Variants in MLXIPL observed in about 807,000 individuals in gnomAD.
The protein encoded by MLXIPL is carbohydrate-responsive element-binding protein.
A neutral mutation model predicts 81.5 loss-of-function variants in MLXIPL; 49 were observed. The ratio of observed to expected loss-of-function variants is 0.60; its 90% CI spans 0.48 to 0.76. The LOEUF is 0.76. Ranked by LOEUF, MLXIPL falls within the 30% of genes least tolerant of loss-of-function variation. The pLI is 0.00. For missense variants in MLXIPL, 1,053 were observed against 1,167.0 expected, an observed-to-expected ratio of 0.90 and a Z score of 1.42; for synonymous variants, 466 against 485.5, an observed-to-expected ratio of 0.96 and a Z score of 0.53.
chr7:73,635,182 A>G, the MLXIPL span, among the ~76,000 whole-genome samples: 1 of 152,136 alleles, frequency 6.6e-6, no homozygotes, highest in African/African-American at 2.4e-5. Context: ...ACATTTCTAA[A>G]TTATACAAAT....
chr7:73,594,174 G>T, intron 16 of MLXIPL, 100 bp downstream of exon 16: 1 of 1,569,982 alleles, frequency 6.4e-7, no homozygotes, highest in South Asian at 1.1e-5. Context: ...ACCCTAGGCT[G>T]TGTTGATGGC....
chr7:73,604,803 C>T (rs1195402016), intron 7 of MLXIPL, among the ~76,000 whole-genome samples: 1 of 151,954 alleles, frequency 6.6e-6, no homozygotes, highest in Non-Finnish European at 1.5e-5. Flanking sequence ...CTTGCTCTGT[C>T]ACCCAGGCTG....
chr7:73,614,964 C>T (rs1308470855), intron 2 of MLXIPL, among the ~76,000 whole-genome samples: 1 of 152,134 alleles, frequency 6.6e-6, no homozygotes, highest in South Asian at 2.1e-4. Context: ...GCACCCGCCA[C>T]CACGCCCAGC....
chr7:73,624,151 C>A (rs371316943), intron 1 of MLXIPL, 49 bp downstream of exon 1: 29 of 1,477,170 alleles, frequency 2.0e-5, no homozygotes, highest in Non-Finnish European at 1.8e-5. Context: ...GACCCCCCCC[C>A]CATCCCCACC....
intron 16 of MLXIPL, 26 bp from the exon 17 acceptor site, chr7:73,594,009 A>G (rs1554592773): frequency 6.3e-7 from 1 of 1,589,384 alleles, no homozygotes; most frequent in Non-Finnish European, 8.6e-7. Context: ...AGAGAGAGAG[A>G]CAGACACTTC....
At chr7:73,599,387 G>T in intron 8 of MLXIPL, 139 bp downstream of exon 8, 1 of 1,101,930 alleles carries the variant, frequency 9.1e-7, no homozygotes. Flanking sequence ...AGAGGGCAGA[G>T]ATGGGGTCTT....
chr7:73,624,614 C>T (rs1294695480), upstream of MLXIPL: 1 of 1,382,280 alleles, frequency 7.2e-7, no homozygotes, highest in Non-Finnish European at 9.3e-7. Flanking sequence ...GTGGGCGGGG[C>T]CTGGGACGGG....
the MLXIPL span, among the ~76,000 whole-genome samples, chr7:73,641,185 A>G: frequency 6.6e-6 from 1 of 152,064 alleles, no homozygotes; most frequent in African/African-American, 2.4e-5. Flanking sequence ...CCCAGCTACC[A>G]GGGAGACTAA....
rs1794246293 is a variant in MLXIPL at position 73,595,883 on chromosome 7, C to T, written c.2145G>A (p.Gln715=). The T allele has an allele frequency of 6.2e-7, 1 of 1,612,520 alleles. No homozygotes were observed. Among genetic ancestry groups the T allele is most frequent in the Non-Finnish European group, 8.5e-7 (1 of 1,179,594 alleles). ...QERAGLQEEA[Q]QLRDEIEELN... is the part of the protein sequence containing the mutation. ...GCTCCTCAATCTCATCCCGCAGCTG[C>T]TGGGCCTCCTCCTGCAAGCCCGCAC... The change falls in exon 14 of 17, where the codon CAG becomes CAA. Residue 715 remains glutamine, a synonymous_variant. Transcript: ENST00000313375.
the MLXIPL span, among the ~76,000 whole-genome samples, chr7:73,632,290 CT>C: frequency 6.6e-6 from 1 of 152,144 alleles, no homozygotes; most frequent in East Asian, 1.9e-4. Flanking sequence ...GCATGAGCCA[CT>C]GTGCCTGGCC....
chr7:73,619,544 G>A (rs1221322502), intron 1 of MLXIPL, among the ~76,000 whole-genome samples: 1 of 151,758 alleles, frequency 6.6e-6, no homozygotes, highest in Non-Finnish European at 1.5e-5. Flanking sequence ...TGGGAAGATC[G>A]CTTGAGCCCA....
chr7:73,603,670 A>T (rs1320316217), intron 7 of MLXIPL, among the ~76,000 whole-genome samples: 2 of 152,200 alleles, frequency 1.3e-5, no homozygotes, highest in African/African-American at 4.8e-5. Flanking sequence ...GGCTTCGATG[A>T]GACGGGCTGA....
chr7:73,595,741 G>A lies in MLXIPL; in HGVS notation c.2206C>T (p.Pro736Ser), dbSNP rs1554593428. 2 of 1,605,862 alleles carry A rather than the reference G, an allele frequency of 1.2e-6. No individual in the cohort carries two copies. The highest frequency in any genetic ancestry group is 1.7e-6 in the Non-Finnish European group (2 of 1,176,052). Residue 736 changes from proline (P) to serine (S), a missense_variant, in exon 15 of 17, where the codon CCC (proline) becomes TCC (serine). Physicochemically the swap from Pro to Ser is moderately conservative, Grantham distance 74. Around this residue, in one of 3 missense-constraint regions of MLXIPL, gnomAD observed 823 missense variants for 933.0 expected, o/e 0.88. Coordinates refer to ENST00000313375, the MANE Select transcript of MLXIPL (RefSeq NM_032951.3). ...TGTGTGATGGGTACCCCTGTGGCGGGCAGCTGCTGCTGGCACAGGCTGGGG... is the reference window on the plus strand; with the variant it reads ...TGTGTGATGGGTACCCCTGTGGCGGACAGCTGCTGCTGGCACAGGCTGGGG... ...AAINLCQQQL[P>S]ATGVPITHQR...
chr7:73,636,066 G>A, the MLXIPL span, among the ~76,000 whole-genome samples: 1 of 152,132 alleles, frequency 6.6e-6, no homozygotes, highest in Non-Finnish European at 1.5e-5. Flanking sequence ...GCAGCCCAGG[G>A]GGTTAAGGAA....
chr7:73,643,591 C>T, the MLXIPL span, among the ~76,000 whole-genome samples: 1 of 151,640 alleles, frequency 6.6e-6, no homozygotes, highest in Non-Finnish European at 1.5e-5. Flanking sequence ...CAAATTTGAA[C>T]CCAGTTGTGT....
intron 2 of MLXIPL, 100 bp from the exon 3 acceptor site, chr7:73,607,772 G>A: frequency 2.9e-6 from 3 of 1,037,068 alleles, no homozygotes; most frequent in Admixed American, 2.1e-5. Flanking sequence ...ATCCTGCTTG[G>A]CCTTTGACGT....
Position 73,596,307 on chromosome 7 carries a change from G to A in MLXIPL, c.1939-35C>T, listed in dbSNP as rs782606257. 3 of 1,612,796 alleles carry A rather than the reference G, an allele frequency of 1.9e-6. No homozygotes were observed. Among genetic ancestry groups the A allele is most frequent in the African/African-American group, 1.3e-5 (1 of 74,666 alleles). ...CAGAGAGTTGGGTGAGCCTAGGAAG[G>A]AGCCCAGGAGGGCCTGGGGGTAGCA... On this transcript the variant is annotated intron_variant, in intron 12 of 16. Coordinates refer to ENST00000313375, the MANE Select transcript of MLXIPL (RefSeq NM_032951.3). The surrounding 1 kb of genome is among the most constrained non-coding windows in gnomAD (Gnocchi z 4.7).
rs1360459258 is a variant in MLXIPL, at chr7:73,596,512, C to T, written c.1823-33G>A. 8.1e-6 allele frequency: 13 copies of T among 1,612,020 alleles called. No homozygotes were observed. Among genetic ancestry groups the T allele is most frequent in the African/African-American group, 1.3e-5 (1 of 74,976 alleles). On this transcript the variant is annotated intron_variant, in intron 11 of 16. Transcript: ENST00000313375. This position sits in a 1 kb window ranked among gnomAD's most constrained non-coding sequence, Gnocchi z 4.7. ...AGGGACAGACAGACCCACAGAAAGA[C>T]CGACCCAGGGGAAAGGGTCCCCATT...
rs1452295438 is a variant in MLXIPL, at chr7:73,624,277, C to T, written c.216G>A (p.Val72=). The change falls in exon 1 of 17, where the codon GTG becomes GTA. Residue 72 remains valine (V), a synonymous_variant. Transcript: ENST00000313375. ...LPRRRDQEGS[V]GPSDFGPRSI... ...TGCGCGGCCCGAAGTCGGAGGGCCC[C>T]ACGGACCCCTCCTGGTCGCGCCGCC... The T allele has an allele frequency of 1.3e-6, 2 of 1,590,172 alleles. No individual in the cohort carries two copies. Among genetic ancestry groups the T allele is most frequent in the Non-Finnish European group, 1.7e-6 (2 of 1,169,950 alleles).
Sources: gnomAD v4.1 joint callset for allele counts (sites outside exome capture counted in the v4.1 genomes callset) on GRCh38, gnomAD v4.1.1 for gene constraint, gnomAD v4.1.1 regional missense constraint, Gnocchi (gnomAD v3.1) non-coding constraint, MANE v1.5 for transcripts, NCBI Gene and HGNC (gene_info 2026-07-23, HGNC 2026-07-21) for gene names.